Variants in DOCK4 observed in about 807,000 individuals in gnomAD.
DOCK4 encodes the protein dedicator of cytokinesis protein 4.
In DOCK4, 97 loss-of-function variants were observed where a neutral mutation model predicts 268.1. The ratio of observed to expected loss-of-function variants is 0.36; its 90% CI spans 0.31 to 0.43. The LOEUF is 0.43. DOCK4 is among the 20% of genes least tolerant of loss of function. DOCK4 has a pLI of 1.00. For synonymous variants in DOCK4, 954 were observed against 887.2 expected (o/e 1.08, Z -1.34); for missense variants, 2,145 against 2,455.7 (o/e 0.87, Z 2.67).
intron 1 of DOCK4, among the ~76,000 whole-genome samples, chr7:112,091,104 TATAA>T (rs760124891): frequency 3.9e-5 from 6 of 152,100 alleles, no homozygotes; most frequent in Non-Finnish European, 8.8e-5. Flanking sequence ...TCATCTTTGT[TATAA>T]AATAAGGGAA....
At chr7:111,825,928 A>G (rs930596787) in intron 26 of DOCK4, among the ~76,000 whole-genome samples, 2 of 152,218 alleles carry the variant, frequency 1.3e-5, no homozygotes, top group Admixed American at 6.5e-5. Context: ...ACATGTACTG[A>G]TTTATAAATA....
In DOCK4 at chr7:111,755,544, G is replaced by C; in HGVS notation, c.4387C>G (p.Arg1463Gly). The change falls in exon 42 of 53, where the codon CGC becomes GGC. Residue 1463 changes from arginine to glycine, a missense_variant. Arg to Gly is a moderately radical substitution (Grantham distance 125). Around this residue, in one of 2 missense-constraint regions of DOCK4, gnomAD observed 1,598 missense variants for 1,986.7 expected, o/e 0.80. Coordinates refer to ENST00000428084, the MANE Select transcript of DOCK4 (RefSeq NM_001363540.2). Reference sequence around the variant, plus strand: ...TCACGCTTTTCCACTTCAAACCAGCGAGAGATGCCAGGCAAACTCTGCACC... The same window carrying C: ...TCACGCTTTTCCACTTCAAACCAGCCAGAGATGCCAGGCAAACTCTGCACC... ...YLVQSLPGIS[R>G]WFEVEKREVV... is the part of the protein sequence containing the mutation. 6.2e-7 allele frequency: 1 copy of C among 1,613,842 alleles called. No homozygotes were observed. The highest frequency in any genetic ancestry group is 8.5e-7 in the Non-Finnish European group (1 of 1,179,858).
intron 30 of DOCK4, among the ~76,000 whole-genome samples, chr7:111,792,370 GA>G (rs1194609240): frequency 6.6e-6 from 1 of 152,096 alleles, no homozygotes; most frequent in Non-Finnish European, 1.5e-5. Flanking sequence ...AATGACTTTA[GA>G]GGGTTTTTGT....
In DOCK4 at chr7:112,032,541, G is replaced by T. The variant is rs118101191; in HGVS notation, c.38-28410C>A. On this transcript the variant is annotated intron_variant, in intron 1 of 52. Coordinates refer to ENST00000428084, the MANE Select transcript of DOCK4 (RefSeq NM_001363540.2). ...GCCTTTTTGTATTTTGGTATTTGTTGTAAGGAACCAATGAAGGATCTGTCT... is the reference window on the plus strand; with the variant it reads ...GCCTTTTTGTATTTTGGTATTTGTTTTAAGGAACCAATGAAGGATCTGTCT... Among the ~76,000 whole-genome samples the T allele has an allele frequency of 5.7e-3, 862 of 152,038 alleles. 4 individuals carry two copies. Among genetic ancestry groups the T allele is most frequent in the Admixed American group, 9.7e-3 (148 of 15,278 alleles).
intron 1 of DOCK4, among the ~76,000 whole-genome samples, chr7:112,153,935 C>T (rs890392503): frequency 3.3e-5 from 5 of 152,138 alleles, no homozygotes; most frequent in Non-Finnish European, 5.9e-5. Context: ...ACAACTGTGA[C>T]AGAGTGGCAA....
chr7:112,145,106 G>A (rs1380688521), intron 1 of DOCK4, among the ~76,000 whole-genome samples: 2 of 152,268 alleles, frequency 1.3e-5, no homozygotes, highest in South Asian at 2.1e-4. Flanking sequence ...TTCCAAGGCA[G>A]GGACCGGACA....
intron 1 of DOCK4, among the ~76,000 whole-genome samples, chr7:112,150,245 C>G (rs748411405): frequency 1.3e-5 from 2 of 152,224 alleles, no homozygotes; most frequent in Non-Finnish European, 2.9e-5. Flanking sequence ...AAATGTCTAA[C>G]GCAACTGCAC....
At chr7:111,883,976 C>T (rs762969839) in intron 16 of DOCK4, among the ~76,000 whole-genome samples, 7 of 152,042 alleles carry the variant, frequency 4.6e-5, no homozygotes, top group Non-Finnish European at 7.4e-5. Context: ...GAGAGAATTC[C>T]GCCCATCAAT....
At chr7:111,742,495 G>T (rs1795984890) in intron 44 of DOCK4, among the ~76,000 whole-genome samples, 1 of 152,076 alleles carries the variant, frequency 6.6e-6, no homozygotes. Context: ...GGCATGTGCT[G>T]CTCACTGTTA....
chr7:112,188,215 T>G (rs2116761936), intron 1 of DOCK4, among the ~76,000 whole-genome samples: 1 of 152,350 alleles, frequency 6.6e-6, no homozygotes, highest in African/African-American at 2.4e-5. Context: ...TCTCATACAC[T>G]TCACCTTCAG....
At chr7:112,071,262 T>C (rs1189753314) in intron 1 of DOCK4, among the ~76,000 whole-genome samples, 2 of 152,246 alleles carry the variant, frequency 1.3e-5, no homozygotes, top group African/African-American at 2.4e-5. Context: ...TGGCAATGAA[T>C]GTAAAAACTC....
At chr7:112,073,465 A>G (rs1405738153) in intron 1 of DOCK4, among the ~76,000 whole-genome samples, 1 of 152,146 alleles carries the variant, frequency 6.6e-6, no homozygotes, top group Non-Finnish European at 1.5e-5. Flanking sequence ...TAATACATGT[A>G]TTACATGTAT....
At chr7:112,097,549 A>T (rs1466534527) in intron 1 of DOCK4, among the ~76,000 whole-genome samples, 1 of 152,146 alleles carries the variant, frequency 6.6e-6, no homozygotes, top group Non-Finnish European at 1.5e-5. Flanking sequence ...CAAGATCCTG[A>T]TCCAAAAACA....
chr7:111,952,588 G>T (rs192924616), intron 8 of DOCK4, among the ~76,000 whole-genome samples: 1 of 152,152 alleles, frequency 6.6e-6, no homozygotes, highest in Non-Finnish European at 1.5e-5. Flanking sequence ...GTGATTCAAT[G>T]AGCATGAAAG....
chr7:111,744,786 T>C lies in DOCK4; in HGVS notation c.4677+1548A>G, dbSNP rs114092774. On this transcript the variant is annotated intron_variant, in intron 44 of 52. Coordinates refer to ENST00000428084, the MANE Select transcript of DOCK4 (RefSeq NM_001363540.2). The stretch of plus-strand genomic sequence containing the variant: ...CCCAGAGTCACATTGAGAACTTGAC[T>C]TATTCTTTATTTCCTTACAGATCAG... Among the ~76,000 whole-genome samples, 1,131 of 152,338 alleles carry C rather than the reference T, an allele frequency of 7.4e-3. 19 individuals are homozygous for C. The highest frequency in any genetic ancestry group is 0.025 in the African/African-American group (1,058 of 41,582).
intron 36 of DOCK4, among the ~76,000 whole-genome samples, chr7:111,773,976 C>T (rs537718356): frequency 1.3e-5 from 2 of 151,780 alleles, no homozygotes. Context: ...CAGATCGTGC[C>T]ACTACATTCC....
rs113796224 is a variant in DOCK4, at chr7:111,979,409, T to G, written c.550-2126A>C. On this transcript the variant is annotated intron_variant, in intron 7 of 52. Coordinates refer to ENST00000428084, the MANE Select transcript of DOCK4 (RefSeq NM_001363540.2). ...AACACAGGTTCCTGAAGAAAAATAT[T>G]CTAACTGTAGGAAAAAAGAATGATT... 4.6e-3 allele frequency among the ~76,000 whole-genome samples: 698 copies of G among 152,198 alleles called. 4 individuals are homozygous for G. Among genetic ancestry groups the G allele is most frequent in the African/African-American group, 0.016 (645 of 41,532 alleles).
At chr7:111,963,331 C>T (rs1053298103) in intron 8 of DOCK4, among the ~76,000 whole-genome samples, 56 of 139,930 alleles carry the variant, frequency 4.0e-4, no homozygotes, top group African/African-American at 9.6e-4. Context: ...AGACAGTGGG[C>T]GCAGGCCAGT....
chr7:112,104,919 T>C (rs905833710), intron 1 of DOCK4, among the ~76,000 whole-genome samples: 1 of 151,996 alleles, frequency 6.6e-6, no homozygotes, highest in African/African-American at 2.4e-5. Context: ...AAAGATGAGA[T>C]CAGTCATGCT....
Sources: allele counts gnomAD v4.1 joint callset (sites outside exome capture counted in the v4.1 genomes callset), GRCh38; gene constraint gnomAD v4.1.1; regional missense constraint gnomAD v4.1.1; transcripts MANE v1.5; gene names NCBI Gene and HGNC (gene_info 2026-07-23, HGNC 2026-07-21).